TSPAN5: variants seen among roughly 807,000 people sequenced by gnomAD.
TSPAN5 encodes the protein tetraspanin-5.
In TSPAN5, 10 loss-of-function variants were observed where a neutral mutation model predicts 37.1. The ratio of observed to expected loss-of-function variants is 0.27; its 90% CI spans 0.17 to 0.46. The LOEUF (loss-of-function observed/expected upper bound fraction) is 0.46. TSPAN5 is among the 20% of genes least tolerant of loss of function. The pLI is 1.00. For synonymous variants in TSPAN5, 110 were observed against 118.9 expected, an observed-to-expected ratio of 0.93 and a Z score of 0.48; for missense variants, 195 against 326.6, an observed-to-expected ratio of 0.60 and a Z score of 3.11.
At chr4:98,524,495 AG>A (rs745728341) in intron 1 of TSPAN5, among the ~76,000 whole-genome samples, 23 of 152,220 alleles carry the variant, frequency 1.5e-4, no homozygotes, top group Non-Finnish European at 2.9e-4. Context: ...CCTATCAGAC[AG>A]GCTTTCAGCC....
chr4:98,607,657 A>G (rs912956815), intron 1 of TSPAN5, among the ~76,000 whole-genome samples: 1 of 144,906 alleles, frequency 6.9e-6, no homozygotes, highest in Admixed American at 6.8e-5. Flanking sequence ...TTTTGCCTGT[A>G]TTTAGAGTAC....
At chr4:98,574,526 C>CA (rs1417508013) in intron 1 of TSPAN5, 1 of 152,258 alleles carries the variant, frequency 6.6e-6, no homozygotes, top group African/African-American at 2.4e-5. Flanking sequence ...GCATAAGCTG[C>CA]AGTGCTTCAT....
At chr4:98,510,872 C>T (rs1158394613) in intron 1 of TSPAN5, among the ~76,000 whole-genome samples, 2 of 152,198 alleles carry the variant, frequency 1.3e-5, no homozygotes, top group Non-Finnish European at 2.9e-5. Flanking sequence ...CCCAATTATT[C>T]TCAGACCATA....
At chr4:98,651,865 T>C (rs1757193855) in intron 1 of TSPAN5, among the ~76,000 whole-genome samples, 1 of 44,636 alleles carries the variant, frequency 2.2e-5, no homozygotes, top group South Asian at 4.9e-4. Context: ...TTCAACATAC[T>C]TTTTTTTTTT....
At chr4:98,476,376 C>G (rs369513497) in intron 6 of TSPAN5, 37 bp downstream of exon 6, 1 of 1,614,052 alleles carries the variant, frequency 6.2e-7, no homozygotes, top group African/African-American at 1.3e-5. Flanking sequence ...TCCTCCAACA[C>G]CCTTCGTGCT....
At chr4:98,547,456 T>C (rs1754495056) in intron 1 of TSPAN5, among the ~76,000 whole-genome samples, 1 of 152,166 alleles carries the variant, frequency 6.6e-6, no homozygotes, top group African/African-American at 2.4e-5. Context: ...ATCCATAATA[T>C]ATTTTGTTTG....
chr4:98,472,986 G>C (rs555142052), intron 7 of TSPAN5, among the ~76,000 whole-genome samples: 1 of 152,216 alleles, frequency 6.6e-6, no homozygotes, highest in East Asian at 1.9e-4. Flanking sequence ...ATATTTTCAA[G>C]GTTCATATAC....
At position 98,482,134 on chromosome 4, in the gene TSPAN5, A is replaced by G; in HGVS notation, c.321T>C (p.Thr107=). 6.2e-7 allele frequency: 1 copy of G among 1,614,166 alleles called. No individual in the cohort carries two copies. Among genetic ancestry groups the G allele is most frequent in the East Asian group, 2.2e-5 (1 of 44,872 alleles). Residue 107 remains threonine (T), a synonymous_variant, in exon 4 of 8, where the codon ACT becomes ACC. Transcript: ENST00000305798. ...TGAAAACAAATGCTAGAACTCCGGC[A>G]GTGAGCTCCAGGAAGAAAATAATTC... is the stretch of plus-strand genomic sequence containing the variant. ...FLGIIFFLEL[T]AGVLAFVFKD... is the part of the protein sequence containing the mutation.
chr4:98,642,267 G>A (rs1229650170), intron 1 of TSPAN5, among the ~76,000 whole-genome samples: 1 of 152,182 alleles, frequency 6.6e-6, no homozygotes, highest in Non-Finnish European at 1.5e-5. Context: ...AAAGAAGGGG[G>A]CAGGTGAGGG....
intron 1 of TSPAN5, among the ~76,000 whole-genome samples, chr4:98,641,387 T>TA (rs1265743799): frequency 1.3e-5 from 2 of 152,360 alleles, no homozygotes; most frequent in East Asian, 3.9e-4. Context: ...AAGCTTAACT[T>TA]ACTCAATATA....
intron 1 of TSPAN5, among the ~76,000 whole-genome samples, chr4:98,635,645 C>CG (rs907321446): frequency 2.2e-4 from 33 of 151,880 alleles, no homozygotes; most frequent in African/African-American, 7.0e-4. Context: ...AGGTGCTGAA[C>CG]GGGGGAAAAA....
At chr4:98,560,880 G>A (rs532509551) in intron 1 of TSPAN5, among the ~76,000 whole-genome samples, 167 of 152,306 alleles carry the variant, frequency 1.1e-3, no homozygotes, top group African/African-American at 3.9e-3. Flanking sequence ...GAAGTGAGTG[G>A]CAAATGTTGC....
intron 1 of TSPAN5, among the ~76,000 whole-genome samples, chr4:98,573,275 A>C (rs1319118867): frequency 6.6e-6 from 1 of 152,212 alleles, no homozygotes; most frequent in African/African-American, 2.4e-5. Flanking sequence ...AGGGCCTCCA[A>C]ATTTTATTTT....
At chr4:98,590,945 A>T (rs1755618555) in intron 1 of TSPAN5, among the ~76,000 whole-genome samples, 1 of 152,196 alleles carries the variant, frequency 6.6e-6, no homozygotes, top group African/African-American at 2.4e-5. Context: ...GGGTACCTGT[A>T]ATCAGTAAAC....
intron 1 of TSPAN5, among the ~76,000 whole-genome samples, chr4:98,554,399 T>C (rs1754691955): frequency 6.6e-6 from 1 of 151,858 alleles, no homozygotes; most frequent in Admixed American, 6.5e-5. Flanking sequence ...ACTTTGTTTG[T>C]TCACAGCGTG....
chr4:98,528,469 T>C (rs753502577), intron 1 of TSPAN5, among the ~76,000 whole-genome samples: 1 of 152,024 alleles, frequency 6.6e-6, no homozygotes, highest in Non-Finnish European at 1.5e-5. Flanking sequence ...TCCAGTCTAG[T>C]TCTATATTTA....
At chr4:98,474,956 A>G (rs1424941511) in intron 7 of TSPAN5, among the ~76,000 whole-genome samples, 3 of 152,244 alleles carry the variant, frequency 2.0e-5, no homozygotes, top group African/African-American at 7.2e-5. Context: ...CTGGGATTAC[A>G]TCCATGAGCT....
At chr4:98,609,147 C>T (rs1375353830) in intron 1 of TSPAN5, among the ~76,000 whole-genome samples, 1 of 152,148 alleles carries the variant, frequency 6.6e-6, no homozygotes, top group Non-Finnish European at 1.5e-5. Flanking sequence ...AACCCAACAG[C>T]TACCACCACT....
intron 1 of TSPAN5, among the ~76,000 whole-genome samples, chr4:98,619,795 G>C (rs923004309): frequency 6.6e-6 from 1 of 152,128 alleles, no homozygotes; most frequent in Non-Finnish European, 1.5e-5. Flanking sequence ...CAAAATCAAG[G>C]CTCCAGCAGA....
Sources: gnomAD v4.1 joint callset for allele counts (sites outside exome capture counted in the v4.1 genomes callset) on GRCh38, gnomAD v4.1.1 for gene constraint, MANE v1.5 for transcripts, NCBI Gene and HGNC (gene_info 2026-07-23, HGNC 2026-07-21) for gene names.